Variants in PACS2 observed in about 807,000 individuals in gnomAD.
The protein encoded by PACS2 is PACS1-like protein.
A neutral mutation model predicts 113.0 loss-of-function variants in PACS2; 36 were observed. The ratio of observed to expected loss-of-function variants is 0.32; its 90% CI spans 0.24 to 0.42. PACS2 has a LOEUF of 0.42. Among genes scored for constraint, PACS2 ranks in the 10% least tolerant of loss-of-function variants. The pLI, the probability that PACS2 is intolerant of heterozygous loss-of-function variation, is 1.00. For synonymous variants in PACS2, 589 were observed against 536.1 expected (o/e 1.10, Z -1.36); for missense variants, 1,015 against 1,239.5 (o/e 0.82, Z 2.72).
At chr14:105,379,636 G>C in intron 9 of PACS2, 103 bp from the exon 10 acceptor site, 1 of 929,930 alleles carries the variant, frequency 1.1e-6, no homozygotes, top group Non-Finnish European at 1.7e-6. Context: ...TCTGCCGTTG[G>C]ATTCTGCAGT....
At chr14:105,318,450 T>TTTTTG (rs1000070576) in intron 1 of PACS2, among the ~76,000 whole-genome samples, 5 of 152,006 alleles carry the variant, frequency 3.3e-5, no homozygotes, top group Non-Finnish European at 5.9e-5. Flanking sequence ...CTGTCTAATT[T>TTTTTG]TTTTGTTTTG....
intron 3 of PACS2, 119 bp downstream of exon 3, chr14:105,352,586 G>T: frequency 1.7e-6 from 1 of 601,066 alleles, no homozygotes; most frequent in Non-Finnish European, 3.0e-6. Context: ...TGGGGTGATG[G>T]GCCCCCCTCA....
intron 1 of PACS2, among the ~76,000 whole-genome samples, chr14:105,335,460 G>A (rs1412172198): frequency 6.6e-6 from 1 of 152,052 alleles, no homozygotes; most frequent in Non-Finnish European, 1.5e-5. Context: ...CGCTGTGGCC[G>A]GCGCCTGGCA....
chr14:105,383,588 C>A (rs587600917), intron 16 of PACS2, 75 bp downstream of exon 16: 5 of 1,395,536 alleles, frequency 3.6e-6, no homozygotes, highest in Non-Finnish European at 4.8e-6. Context: ...AGTGGTGTGG[C>A]GTGGCGTGGC....
At chr14:105,392,324 A>C in intron 22 of PACS2, 1 of 434,012 alleles carries the variant, frequency 2.3e-6, no homozygotes, top group Non-Finnish European at 4.2e-6. Context: ...CGCCTGAGGG[A>C]GCTGGTTCGC....
rs181091767 is a variant in PACS2 at position 105,356,415 on chromosome 14, A to G, written c.423+1238A>G. Among the ~76,000 whole-genome samples, 284 of 152,310 alleles carry G rather than the reference A, an allele frequency of 1.9e-3. No individual in the cohort carries two copies. The highest frequency in any genetic ancestry group is 6.8e-3 in the Middle Eastern group (2 of 294). On this transcript the variant is annotated intron_variant, in intron 4 of 24. Coordinates refer to ENST00000447393, the MANE Select transcript of PACS2 (RefSeq NM_001100913.3). The surrounding 1 kb of genome is among the most constrained non-coding windows in gnomAD (Gnocchi z 4.0). ...TGCAGTCTTCCCGATTCCTTCGGCA[A>G]ACCACGGACAGCACGGGTGGACCGG...
rs1555412114 is a variant in PACS2 at position 105,381,903 on chromosome 14, G to A, written c.1269-11G>A. The A allele has an allele frequency of 3.2e-6, 5 of 1,550,062 alleles. No homozygotes were observed. Among genetic ancestry groups the A allele is most frequent in the Non-Finnish European group, 4.4e-6 (5 of 1,146,664 alleles). ...TGCCACAGCCACTTAGCCTGTCCTG[G>A]TCCCCAATAGGTCCGAGGGGAAGCA... is the stretch of plus-strand genomic sequence containing the variant. On this transcript the variant is annotated splice_polypyrimidine_tract_variant and intron_variant, in intron 12 of 24. Coordinates refer to ENST00000447393, the MANE Select transcript of PACS2 (RefSeq NM_001100913.3).
At chr14:105,375,481 C>CAAAAAAAAAAA (rs34549878) in intron 8 of PACS2, among the ~76,000 whole-genome samples, 1 of 51,410 alleles carries the variant, frequency 1.9e-5, no homozygotes. Context: ...GACTCCATCT[C>CAAAAAAAAAAA]AAAAAAAAAA....
intron 1 of PACS2, among the ~76,000 whole-genome samples, chr14:105,303,806 A>T (rs1345354821): frequency 6.6e-6 from 1 of 152,200 alleles, no homozygotes; most frequent in Non-Finnish European, 1.5e-5. Flanking sequence ...ATTGATCTCT[A>T]TGCAAAATGC....
rs1595539246 is a variant in PACS2 at position 105,315,143 on chromosome 14, C to G, written c.119+106C>G. The stretch of plus-strand genomic sequence containing the variant: ...CCGGCCCGGGTCCCCCAGCGGAGCC[C>G]AGGTCGCCCCCCGCGCCCCCGCCCG... On this transcript the variant is annotated intron_variant, in intron 1 of 24. Transcript: ENST00000447393. The surrounding 1 kb of genome is among the most constrained non-coding windows in gnomAD (Gnocchi z 4.4). 1 of 675,364 alleles carries G rather than the reference C, an allele frequency of 1.5e-6. No homozygotes were observed. The highest frequency in any genetic ancestry group is 1.9e-6 in the Non-Finnish European group (1 of 537,924). 41.8% of individuals were successfully genotyped at this position (675,364 alleles called of 1,614,324 possible).
chr14:105,375,250 C>T (rs146593908), intron 8 of PACS2, among the ~76,000 whole-genome samples: 1,853 of 152,146 alleles, frequency 0.012, 20 homozygotes, highest in Middle Eastern at 0.038. Flanking sequence ...GAGGCCGAGG[C>T]GGGTGGATTA....
chr14:105,380,969 C>A lies in PACS2; in HGVS notation c.1138C>A (p.Pro380Thr), dbSNP rs201854785. 20 of 1,611,104 alleles carry A rather than the reference C, an allele frequency of 1.2e-5. No individual in the cohort carries two copies. Among genetic ancestry groups the A allele is most frequent in the Non-Finnish European group, 1.6e-5 (19 of 1,178,910 alleles). Residue 380 changes from proline (P) to threonine (T), a missense_variant, in exon 12 of 25, where the codon CCG (proline) becomes ACG (threonine). By Grantham distance (38) the Pro-to-Thr change is conservative. Around this residue, in one of 3 missense-constraint regions of PACS2, gnomAD observed 859 missense variants for 1,056.8 expected, o/e 0.81. Transcript: ENST00000447393. ...CTCTGCTCAGCAGGGTGTGCCAGGCCCGAGGGAGCACCCTGGACAGCCTGA... is the reference window on the plus strand; with the variant it reads ...CTCTGCTCAGCAGGGTGTGCCAGGCACGAGGGAGCACCCTGGACAGCCTGA... ...SDTVALGVPGPREHPGQPEDS... is the reference protein window; with the variant it reads ...SDTVALGVPGTREHPGQPEDS...
intron 24 of PACS2, chr14:105,394,166 T>G: frequency 1.0e-6 from 1 of 984,808 alleles, no homozygotes; most frequent in Non-Finnish European, 1.2e-6. Flanking sequence ...CGTGGCCCTG[T>G]CTCCCCACAG....
intron 1 of PACS2, among the ~76,000 whole-genome samples, chr14:105,335,968 C>G (rs917993409): frequency 6.6e-6 from 1 of 152,214 alleles, no homozygotes; most frequent in Non-Finnish European, 1.5e-5. Context: ...GCACCTGGAG[C>G]CTGGGGATGG....
At chr14:105,370,002 C>T (rs1395864027) in intron 8 of PACS2, 102 bp downstream of exon 8, 19 of 1,016,058 alleles carry the variant, frequency 1.9e-5, no homozygotes, top group East Asian at 7.8e-5. Context: ...CTGGTTCTGC[C>T]GCTCACCGTC....
At position 105,376,884 on chromosome 14, in the gene PACS2, G is replaced by C. The variant is rs782463631; in HGVS notation, c.918G>C (p.Glu306Asp). 1 of 1,612,890 alleles carries C rather than the reference G, an allele frequency of 6.2e-7. No individual in the cohort carries two copies. ...EHPSDSGPDMEDDDSVLSTPK... is the reference protein window; with the variant it reads ...EHPSDSGPDMDDDDSVLSTPK... ...CCAGCGACAGCGGCCCCGACATGGA[G>C]GATGACGACAGCGTCCTCAGCACCC... Residue 306 changes from glutamate to aspartate, a missense_variant, in exon 9 of 25, where the codon GAG becomes GAC. This residue lies in a region of PACS2 where 859 missense variants were observed against 1,056.8 expected (regional missense o/e 0.81). Transcript: ENST00000447393. The surrounding 1 kb of genome is among the most constrained non-coding windows in gnomAD (Gnocchi z 4.7).
chr14:105,348,701 C>A lies in PACS2; in HGVS notation c.207+121C>A. The A allele has an allele frequency of 2.6e-6, 2 of 755,730 alleles. No homozygotes were observed. Among genetic ancestry groups the A allele is most frequent in the South Asian group, 1.4e-5 (1 of 69,996 alleles). 46.8% of individuals were successfully genotyped at this position (755,730 alleles called of 1,614,324 possible). On this transcript the variant is annotated intron_variant, in intron 2 of 24. Coordinates refer to ENST00000447393, the MANE Select transcript of PACS2 (RefSeq NM_001100913.3). The surrounding 1 kb of genome is among the most constrained non-coding windows in gnomAD (Gnocchi z 6.4). Reference sequence around the variant, plus strand: ...GTGCCAAAACAGCGGGCAGCCCATGCCATCTCCGGGAGCCCGGGGGGCTGG... The same window carrying A: ...GTGCCAAAACAGCGGGCAGCCCATGACATCTCCGGGAGCCCGGGGGGCTGG...
At position 105,367,221 on chromosome 14, in the gene PACS2, A is replaced by G. The variant is rs1555408141; in HGVS notation, c.432A>G (p.Gln144=). 2 of 1,612,904 alleles carry G rather than the reference A, an allele frequency of 1.2e-6. No individual in the cohort carries two copies. The highest frequency in any genetic ancestry group is 1.1e-5 in the South Asian group (1 of 91,070). ...GTGCCCCTGGCCTGCAGGTGATGCA[A>G]CACCCGTCTGAAGGTGGCCAGGTGC... ...AGSISMAEVM[Q]HPSEGGQVLS... The change falls in exon 5 of 25, where the codon CAA becomes CAG. Residue 144 remains glutamine, a synonymous_variant. Transcript: ENST00000447393.
intron 23 of PACS2, 39 bp downstream of exon 23, chr14:105,392,884 G>C: frequency 6.7e-7 from 1 of 1,494,700 alleles, no homozygotes; most frequent in Non-Finnish European, 9.2e-7. Context: ...CGGCGCAGAA[G>C]GGCGGCTCTG....
Sources: allele counts gnomAD v4.1 joint callset (sites outside exome capture counted in the v4.1 genomes callset), GRCh38; gene constraint gnomAD v4.1.1; regional missense constraint gnomAD v4.1.1; non-coding constraint Gnocchi (gnomAD v3.1); transcripts MANE v1.5; gene names NCBI Gene and HGNC (gene_info 2026-07-23, HGNC 2026-07-21).